The following TGFB2 variants were observed in gnomAD, a reference collection of about 807,000 sequenced individuals.
TGFB2 encodes transforming growth factor beta-2 proprotein.
A neutral mutation model predicts 42.7 loss-of-function variants in TGFB2; 13 were observed. The observed-to-expected ratio is 0.30, with a 90% CI of 0.20 to 0.48. The LOEUF is 0.48. Among genes scored for constraint, TGFB2 ranks in the 20% least tolerant of loss-of-function variants. TGFB2 has a pLI of 0.99. For missense variants in TGFB2, 390 were observed against 517.5 expected (o/e 0.75, Z 2.39); for synonymous variants, 193 against 193.6 (o/e 1.00, Z 0.03).
chr1:218,389,252 G>A (rs1658242237), intron 1 of TGFB2, among the ~76,000 whole-genome samples: 1 of 152,172 alleles, frequency 6.6e-6, no homozygotes, highest in Non-Finnish European at 1.5e-5. Flanking sequence ...CTGTTTGAGA[G>A]CGATTAATTT....
rs907110758 is a variant in TGFB2 at position 218,434,242 on chromosome 1, C to A, written c.643+28C>A. 2.5e-6 allele frequency: 4 copies of A among 1,612,516 alleles called. No individual in the cohort carries two copies. In the African/African-American group the frequency reaches 4.0e-5, roughly 16 times the overall value. Reference sequence around the variant, plus strand: ...TACAAGCCACTCTCTCTTTTCCTCCCAAGATGTTCAGTATCCCTAAGTTAC... The same window carrying A: ...TACAAGCCACTCTCTCTTTTCCTCCAAAGATGTTCAGTATCCCTAAGTTAC... On this transcript the variant is annotated intron_variant, in intron 3 of 6. Transcript: ENST00000366930.
rs984034253 is a variant in TGFB2 at position 218,441,789 on chromosome 1, T to C, written c.*427T>C. 2 of 156,910 alleles carry C rather than the reference T, an allele frequency of 1.3e-5. No individual in the cohort carries two copies. Among genetic ancestry groups the C allele is most frequent in the African/African-American group, 2.4e-5 (1 of 41,490 alleles). 9.7% of individuals were successfully genotyped at this position (156,910 alleles called of 1,614,324 possible). A position where few individuals can be genotyped will look rare whatever the true frequency, so the allele number is the denominator to read the frequency against. ...TTGATTTTTCTGTATTGCTATGCAA[T>C]AGGCACCCTTCCCATTCTTACTCTT... On this transcript the variant is annotated 3_prime_UTR_variant, in exon 7 of 7. Coordinates refer to ENST00000366930, the MANE Select transcript of TGFB2 (RefSeq NM_003238.6).
intron 1 of TGFB2, among the ~76,000 whole-genome samples, chr1:218,398,799 A>G (rs1257754913): frequency 1.3e-5 from 2 of 151,998 alleles, no homozygotes; most frequent in Non-Finnish European, 2.9e-5. Flanking sequence ...TGTGGCCAGG[A>G]TGGTCTTGAT....
intron 1 of TGFB2, among the ~76,000 whole-genome samples, chr1:218,376,565 T>C (rs1657748249): frequency 6.6e-6 from 1 of 152,178 alleles, no homozygotes; most frequent in Admixed American, 6.5e-5. Context: ...TAGGTTTAAG[T>C]GGAGGCCTTA....
chr1:218,410,022 G>A (rs1659045083), intron 2 of TGFB2, among the ~76,000 whole-genome samples: 1 of 152,224 alleles, frequency 6.6e-6, no homozygotes, highest in South Asian at 2.1e-4. Context: ...ACTAACCACA[G>A]TTTCCTTCAA....
intron 1 of TGFB2, among the ~76,000 whole-genome samples, chr1:218,397,843 G>A (rs919994477): frequency 1.3e-5 from 2 of 152,154 alleles, no homozygotes; most frequent in Non-Finnish European, 2.9e-5. Context: ...TGATGTTGAG[G>A]TAATCGGTGA....
At chr1:218,408,838 A>C (rs1659000985) in intron 2 of TGFB2, among the ~76,000 whole-genome samples, 2 of 152,178 alleles carry the variant, frequency 1.3e-5, no homozygotes, top group Non-Finnish European at 2.9e-5. Flanking sequence ...CAATTTTTCC[A>C]CAGAGCATTA....
chr1:218,416,409 G>T (rs1659282138), intron 2 of TGFB2, among the ~76,000 whole-genome samples: 1 of 151,980 alleles, frequency 6.6e-6, no homozygotes, highest in Admixed American at 6.6e-5. Flanking sequence ...CAGTACTCAG[G>T]ATATTTTTTG....
intron 2 of TGFB2, among the ~76,000 whole-genome samples, chr1:218,430,998 C>T (rs1475354461): frequency 1.3e-5 from 2 of 152,168 alleles, no homozygotes; most frequent in East Asian, 3.8e-4. Context: ...CCTGTTTCCA[C>T]TAAGGACTGG....
chr1:218,401,783 T>TA (rs1373851297), intron 1 of TGFB2, among the ~76,000 whole-genome samples: 1 of 152,132 alleles, frequency 6.6e-6, no homozygotes, highest in African/African-American at 2.4e-5. Context: ...CACAAGCCAT[T>TA]AAGCCCCTAC....
At chr1:218,372,458 T>C (rs1371021394) in intron 1 of TGFB2, among the ~76,000 whole-genome samples, 1 of 152,234 alleles carries the variant, frequency 6.6e-6, no homozygotes, top group Non-Finnish European at 1.5e-5. Flanking sequence ...TTCCCAAGAC[T>C]GCTGCTTACC....
chr1:218,402,987 C>A (rs182214348), intron 1 of TGFB2, among the ~76,000 whole-genome samples: 1 of 152,138 alleles, frequency 6.6e-6, no homozygotes, highest in African/African-American at 2.4e-5. Context: ...ATCATGGGGG[C>A]GGGCATATTC....
chr1:218,380,629 C>A (rs1483166755), intron 1 of TGFB2, among the ~76,000 whole-genome samples: 1 of 152,080 alleles, frequency 6.6e-6, no homozygotes, highest in African/African-American at 2.4e-5. Flanking sequence ...GCCTGGGATG[C>A]CAAGCATTCC....
At chr1:218,382,042 A>G (rs1231623665) in intron 1 of TGFB2, among the ~76,000 whole-genome samples, 5 of 152,186 alleles carry the variant, frequency 3.3e-5, no homozygotes, top group Non-Finnish European at 5.9e-5. Context: ...AGAGGGTGAA[A>G]TCTAGCCCTA....
chr1:218,377,879 T>G (rs1284998342), intron 1 of TGFB2, among the ~76,000 whole-genome samples: 1 of 152,222 alleles, frequency 6.6e-6, no homozygotes, highest in Non-Finnish European at 1.5e-5. Flanking sequence ...TTCCTGTGTC[T>G]TCCTTAAATT....
rs371822225 is a variant in TGFB2 at position 218,443,422 on chromosome 1, C to T, written c.*2060C>T. 6.6e-5 allele frequency: 10 copies of T among 152,230 alleles called. No homozygotes were observed. In the East Asian group the frequency reaches 1.7e-3, roughly 26 times the overall value. The allele number at this position is 152,230 out of a possible 1,614,324, so 9.4% of individuals were successfully genotyped here. ...TGGTCTACTTCTTTTTTGGAATTTC[C>T]TGACCATTAATTAAAGAATTGGATT... On this transcript the variant is annotated 3_prime_UTR_variant, in exon 7 of 7. Transcript: ENST00000366930.
At chr1:218,399,927 T>TA (rs1386138591) in intron 1 of TGFB2, among the ~76,000 whole-genome samples, 2 of 152,038 alleles carry the variant, frequency 1.3e-5, no homozygotes, top group African/African-American at 4.8e-5. Context: ...TCCATCTGCT[T>TA]ACTTATAGAA....
intron 1 of TGFB2, among the ~76,000 whole-genome samples, chr1:218,378,147 G>GGATT (rs1193861240): frequency 1.4e-5 from 2 of 141,996 alleles, no homozygotes; most frequent in East Asian, 2.0e-4. Context: ...GGCTAATTTT[G>GGATT]GATTTATTTA....
chr1:218,411,186 T>G (rs530863801), intron 2 of TGFB2, among the ~76,000 whole-genome samples: 3 of 152,362 alleles, frequency 2.0e-5, no homozygotes, highest in Non-Finnish European at 4.4e-5. Flanking sequence ...ATAGTATGAT[T>G]CATACCACTG....
Sources: allele counts gnomAD v4.1 joint callset (sites outside exome capture counted in the v4.1 genomes callset), GRCh38; gene constraint gnomAD v4.1.1; transcripts MANE v1.5; gene names NCBI Gene and HGNC (gene_info 2026-07-23, HGNC 2026-07-21).